Variants in AHCYL2 observed in about 807,000 individuals in gnomAD.
The protein encoded by AHCYL2 is S-adenosylhomocysteine hydrolase-like protein 2.
Under a neutral mutation model 81.4 loss-of-function variants are expected in AHCYL2, and 28 were observed. That is an observed-to-expected ratio of 0.34 (90% CI 0.25 to 0.47). The LOEUF is 0.47. AHCYL2 is among the 20% of genes least tolerant of loss of function. The pLI is 1.00. For synonymous variants in AHCYL2, 272 were observed against 290.2 expected (o/e 0.94, Z 0.64); for missense variants, 551 against 785.1 (o/e 0.70, Z 3.56).
At chr7:129,379,300 T>C (rs114683597) in intron 1 of AHCYL2, among the ~76,000 whole-genome samples, 2 of 149,770 alleles carry the variant, frequency 1.3e-5, no homozygotes, top group African/African-American at 2.5e-5. Flanking sequence ...AAAAAAAGTG[T>C]ATCAAAGATT....
chr7:129,311,105 C>CAA (rs56828305), intron 1 of AHCYL2, among the ~76,000 whole-genome samples: 40 of 109,244 alleles, frequency 3.7e-4, no homozygotes, highest in Non-Finnish European at 4.9e-4. Context: ...AACCCTGTCT[C>CAA]AAAAAAAAAA....
chr7:129,247,171 A>T (rs955697422), intron 1 of AHCYL2, among the ~76,000 whole-genome samples: 1 of 152,226 alleles, frequency 6.6e-6, no homozygotes, highest in Non-Finnish European at 1.5e-5. Flanking sequence ...AAGCGATTGT[A>T]TGATGTTAGA....
intron 1 of AHCYL2, among the ~76,000 whole-genome samples, chr7:129,339,998 A>G (rs1793110314): frequency 7.3e-6 from 1 of 136,680 alleles, no homozygotes; most frequent in Non-Finnish European, 1.5e-5. Flanking sequence ...GGCTCACTGC[A>G]AGCTCCGCCT....
At chr7:129,300,111 T>C (rs943091580) in intron 1 of AHCYL2, among the ~76,000 whole-genome samples, 5 of 152,140 alleles carry the variant, frequency 3.3e-5, no homozygotes, top group African/African-American at 1.2e-4. Context: ...TAAATGAGGG[T>C]ATCTATCAAC....
At chr7:129,249,195 G>T (rs1795164363) in intron 1 of AHCYL2, among the ~76,000 whole-genome samples, 1 of 151,670 alleles carries the variant, frequency 6.6e-6, no homozygotes, top group African/African-American at 2.4e-5. Flanking sequence ...ACAAGATCTT[G>T]CCATGTTGTC....
At chr7:129,291,455 A>G (rs1796857987) in intron 1 of AHCYL2, among the ~76,000 whole-genome samples, 1 of 151,514 alleles carries the variant, frequency 6.6e-6, no homozygotes, top group East Asian at 1.9e-4. Context: ...GATTCAAATC[A>G]TGCATTCTTT....
rs1562881635 is a variant in AHCYL2 at position 129,424,869 on chromosome 7, ACT to A, written c.1561-4_1561-3del. The A allele has an allele frequency of 6.2e-7, 1 of 1,612,604 alleles. No homozygotes were observed. On this transcript the variant is annotated splice_polypyrimidine_tract_variant and splice_region_variant and intron_variant, in intron 13 of 16. Coordinates refer to ENST00000325006, the MANE Select transcript of AHCYL2 (RefSeq NM_015328.4). ...TCCATTTGTGTCTTCACCTTTGATC[ACT>A]AGGGCCGCCTGCTGAACCTTAGCTG...
At chr7:129,402,956 G>C (rs1314459218) in intron 6 of AHCYL2, among the ~76,000 whole-genome samples, 1 of 152,076 alleles carries the variant, frequency 6.6e-6, no homozygotes. Context: ...TCAAGAGGCT[G>C]TGTAAACTGA....
intron 1 of AHCYL2, among the ~76,000 whole-genome samples, chr7:129,361,043 A>G (rs1453076981): frequency 6.6e-6 from 1 of 152,174 alleles, no homozygotes; most frequent in Non-Finnish European, 1.5e-5. Flanking sequence ...AAAATGTAGA[A>G]TTTTGGGACC....
chr7:129,300,612 T>G (rs1340785039), intron 1 of AHCYL2, among the ~76,000 whole-genome samples: 1 of 152,154 alleles, frequency 6.6e-6, no homozygotes, highest in African/African-American at 2.4e-5. Context: ...AACATGGGAG[T>G]GCAGATATCT....
chr7:129,370,390 G>C (rs925410531), intron 1 of AHCYL2, among the ~76,000 whole-genome samples: 2 of 120,544 alleles, frequency 1.7e-5, no homozygotes, highest in African/African-American at 6.1e-5. Context: ...GTCTTGGTTG[G>C]TAAAAAATAA....
rs114032341 is a variant in AHCYL2, at chr7:129,261,372, A to G, written c.363+35933A>G. Reference sequence around the variant, plus strand: ...AATAGAGAGTTCTGTGGCAACTGTTAGTTACTTCTTTCCAGATTTACATTA... The same window carrying G: ...AATAGAGAGTTCTGTGGCAACTGTTGGTTACTTCTTTCCAGATTTACATTA... On this transcript the variant is annotated intron_variant, in intron 1 of 16. Transcript: ENST00000325006. Among the ~76,000 whole-genome samples the G allele has an allele frequency of 7.6e-3, 1,152 of 152,342 alleles. 14 individuals are homozygous for G. The highest frequency in any genetic ancestry group is 0.026 in the African/African-American group (1,069 of 41,576).
At chr7:129,251,748 G>C (rs1715929025) in intron 1 of AHCYL2, among the ~76,000 whole-genome samples, 1 of 152,058 alleles carries the variant, frequency 6.6e-6, no homozygotes, top group Non-Finnish European at 1.5e-5. Flanking sequence ...CAAACTGCTT[G>C]ATATAATGGT....
At chr7:129,293,963 T>C (rs2718090) in intron 1 of AHCYL2, among the ~76,000 whole-genome samples, 9,403 of 152,256 alleles carry the variant, frequency 0.062, 935 homozygotes, top group African/African-American at 0.21. Flanking sequence ...TTTTTACTTA[T>C]TGGTTGTGAA....
intron 1 of AHCYL2, among the ~76,000 whole-genome samples, chr7:129,339,014 A>G (rs547298270): frequency 3.9e-5 from 6 of 152,302 alleles, no homozygotes; most frequent in African/African-American, 1.4e-4. Context: ...TAAGACTTTC[A>G]ACTTGCTCCT....
At position 129,398,813 on chromosome 7, in the gene AHCYL2, G is replaced by A. The variant is rs115655718; in HGVS notation, c.824-1477G>A. ...ACATATATAAATAATGATGATACAA[G>A]GACATATATAATAAATGCCATGACA... is the stretch of plus-strand genomic sequence containing the variant. On this transcript the variant is annotated intron_variant, in intron 5 of 16. Coordinates refer to ENST00000325006, the MANE Select transcript of AHCYL2 (RefSeq NM_015328.4). Among the ~76,000 whole-genome samples, 1,014 of 151,988 alleles carry A rather than the reference G, an allele frequency of 6.7e-3. 9 individuals are homozygous for A. Among genetic ancestry groups the A allele is most frequent in the African/African-American group, 0.023 (971 of 41,432 alleles).
At chr7:129,267,312 A>T (rs1795848851) in intron 1 of AHCYL2, among the ~76,000 whole-genome samples, 1 of 146,592 alleles carries the variant, frequency 6.8e-6, no homozygotes, top group East Asian at 2.0e-4. Context: ...CTTATTAGGT[A>T]TTTTTTTTTG....
chr7:129,392,091 G>A (rs1795497257), intron 4 of AHCYL2, among the ~76,000 whole-genome samples: 1 of 151,934 alleles, frequency 6.6e-6, no homozygotes, highest in Admixed American at 6.6e-5. Flanking sequence ...ACCTTTCATG[G>A]TTCCCTTTCT....
At chr7:129,292,898 C>T (rs1349202938) in intron 1 of AHCYL2, among the ~76,000 whole-genome samples, 3 of 152,130 alleles carry the variant, frequency 2.0e-5, no homozygotes, top group Non-Finnish European at 4.4e-5. Flanking sequence ...GACTGAGAAA[C>T]GTTACTCTTA....
Sources: allele counts gnomAD v4.1 joint callset (sites outside exome capture counted in the v4.1 genomes callset), GRCh38; gene constraint gnomAD v4.1.1; transcripts MANE v1.5; gene names NCBI Gene and HGNC (gene_info 2026-07-23, HGNC 2026-07-21).